RHOJ: variants seen among roughly 807,000 people sequenced by gnomAD.
The protein encoded by RHOJ is ras homolog family member J.
A neutral mutation model predicts 23.4 loss-of-function variants in RHOJ; 11 were observed. That is an observed-to-expected ratio of 0.47 (90% confidence interval 0.30 to 0.78). The LOEUF (loss-of-function observed/expected upper bound fraction) is 0.78. RHOJ is among the 30% of genes least tolerant of loss of function. The pLI, the probability that RHOJ is intolerant of heterozygous loss-of-function variation, is 0.08. For synonymous variants in RHOJ, 102 were observed against 102.7 expected (o/e 0.99, Z 0.04); for missense variants, 254 against 273.4 (o/e 0.93, Z 0.50).
chr14:63,258,150 C>T (rs957909683), intron 1 of RHOJ, among the ~76,000 whole-genome samples: 2 of 149,316 alleles, frequency 1.3e-5, no homozygotes, highest in African/African-American at 2.5e-5. Context: ...ATCGCTTGAA[C>T]CCGGGAGGTG....
intron 1 of RHOJ, among the ~76,000 whole-genome samples, chr14:63,261,427 T>TCTTTTTTTTC (rs1200355629): frequency 6.6e-6 from 1 of 151,590 alleles, no homozygotes; most frequent in African/African-American, 2.4e-5. Flanking sequence ...TTGCCTTTTT[T>TCTTTTTTTTC]CTTTTTTTTC....
chr14:63,285,544 G>A (rs1182833659), intron 4 of RHOJ, among the ~76,000 whole-genome samples: 3 of 151,964 alleles, frequency 2.0e-5, no homozygotes, highest in Non-Finnish European at 2.9e-5. Flanking sequence ...ATTTTCAAAG[G>A]ACATTTTTAT....
chr14:63,279,155 G>A (rs1370632373), intron 2 of RHOJ, among the ~76,000 whole-genome samples: 1 of 152,180 alleles, frequency 6.6e-6, no homozygotes, highest in East Asian at 1.9e-4. Context: ...GCACATACAT[G>A]TTTTGTAAGT....
chr14:63,284,159 C>A (rs777763809), intron 4 of RHOJ: 25 of 910,606 alleles, frequency 2.7e-5, no homozygotes, highest in Non-Finnish European at 3.2e-5. Context: ...ACTACAAATT[C>A]TTCACTTACA....
chr14:63,220,856 T>A (rs565746083), intron 1 of RHOJ, among the ~76,000 whole-genome samples: 2 of 152,310 alleles, frequency 1.3e-5, no homozygotes, highest in African/African-American at 4.8e-5. Flanking sequence ...ATACACACTA[T>A]CCTTCAATGG....
At chr14:63,281,627 T>G (rs1176238673) in intron 3 of RHOJ, among the ~76,000 whole-genome samples, 1 of 152,164 alleles carries the variant, frequency 6.6e-6, no homozygotes. Context: ...GTCTATTCCT[T>G]TTAAACCTCT....
At chr14:63,262,936 A>G (rs958723582) in intron 1 of RHOJ, among the ~76,000 whole-genome samples, 8 of 152,250 alleles carry the variant, frequency 5.3e-5, no homozygotes, top group Non-Finnish European at 8.8e-5. Context: ...GTGCCAGTTA[A>G]TGTGCACTGA....
chr14:63,276,457 G>A (rs771689690), intron 2 of RHOJ, among the ~76,000 whole-genome samples: 2 of 152,100 alleles, frequency 1.3e-5, no homozygotes, highest in Admixed American at 6.5e-5. Context: ...CACATAAATC[G>A]AATAATTTCA....
chr14:63,239,583 A>G (rs1243004514), intron 1 of RHOJ, among the ~76,000 whole-genome samples: 1 of 152,230 alleles, frequency 6.6e-6, no homozygotes, highest in Non-Finnish European at 1.5e-5. Flanking sequence ...AAAAATTACA[A>G]TGGATTCAAA....
At chr14:63,239,671 C>T (rs1447984396) in intron 1 of RHOJ, among the ~76,000 whole-genome samples, 1 of 152,240 alleles carries the variant, frequency 6.6e-6, no homozygotes, top group Non-Finnish European at 1.5e-5. Context: ...CTGCACCCGA[C>T]CAGAGCTTCT....
chr14:63,234,316 C>T (rs1324209310), intron 1 of RHOJ, among the ~76,000 whole-genome samples: 2 of 152,206 alleles, frequency 1.3e-5, no homozygotes, highest in Admixed American at 6.5e-5. Flanking sequence ...GAACTTTGTA[C>T]ATCTCTGCTC....
At chr14:63,218,965 G>T (rs1438904798) in intron 1 of RHOJ, among the ~76,000 whole-genome samples, 1 of 152,220 alleles carries the variant, frequency 6.6e-6, no homozygotes, top group African/African-American at 2.4e-5. Context: ...AGGAGAGGAA[G>T]AGTAGAAGAG....
intron 4 of RHOJ, 67 bp from the exon 5 acceptor site, chr14:63,290,811 T>G: frequency 1.6e-5 from 24 of 1,490,958 alleles, no homozygotes; most frequent in Non-Finnish European, 2.0e-5. Context: ...GTCTGGGCAG[T>G]GAGTTGATAC....
intron 1 of RHOJ, among the ~76,000 whole-genome samples, chr14:63,260,659 A>T (rs1895255725): frequency 6.6e-6 from 1 of 152,298 alleles, no homozygotes; most frequent in East Asian, 1.9e-4. Context: ...TCTGCACATT[A>T]TATCCTGAAT....
intron 1 of RHOJ, among the ~76,000 whole-genome samples, chr14:63,235,468 A>G (rs1432363131): frequency 6.6e-6 from 1 of 152,178 alleles, no homozygotes; most frequent in East Asian, 1.9e-4. Context: ...ATGCTGCTAA[A>G]GTATTTATAG....
intron 2 of RHOJ, among the ~76,000 whole-genome samples, chr14:63,270,048 C>T (rs1315480907): frequency 1.3e-5 from 2 of 152,082 alleles, no homozygotes; most frequent in Admixed American, 6.5e-5. Context: ...TCAAAATCAG[C>T]GGGTTGTTCA....
At chr14:63,211,291 A>G (rs374467201) in intron 1 of RHOJ, among the ~76,000 whole-genome samples, 5 of 152,204 alleles carry the variant, frequency 3.3e-5, no homozygotes, top group Admixed American at 2.0e-4. Context: ...AAATTTATTC[A>G]TAAGTTTCTC....
chr14:63,210,354 A>C (rs1894208286), intron 1 of RHOJ, among the ~76,000 whole-genome samples: 1 of 152,304 alleles, frequency 6.6e-6, no homozygotes, highest in South Asian at 2.1e-4. Flanking sequence ...TCCTTCATCT[A>C]CATTATGTTC....
In RHOJ at chr14:63,204,522, T is replaced by C. The variant is rs1261411528; in HGVS notation, c.-348T>C. ...TTTAGCAAAATTCCACCGTATCTTT[T>C]GCCAGGCTAGAGACAGGGAGAGCAG... On this transcript the variant is annotated 5_prime_UTR_variant, in exon 1 of 5. Transcript: ENST00000316754. 1 of 232,748 alleles carries C rather than the reference T, an allele frequency of 4.3e-6. No individual in the cohort carries two copies. The highest frequency in any genetic ancestry group is 1.0e-4 in the East Asian group (1 of 9,654). The allele number at this position is 232,748 out of a possible 1,614,324, so 14.4% of individuals were successfully genotyped here. A position where few individuals can be genotyped will look rare whatever the true frequency, so the allele number is the denominator to read the frequency against.
Sources: gnomAD v4.1 joint callset for allele counts (sites outside exome capture counted in the v4.1 genomes callset) on GRCh38, gnomAD v4.1.1 for gene constraint, MANE v1.5 for transcripts, NCBI Gene and HGNC (gene_info 2026-07-23, HGNC 2026-07-21) for gene names.